The following LRRC71 variants were observed in gnomAD, a reference collection of about 807,000 sequenced individuals.
The protein encoded by LRRC71 is leucine-rich repeat-containing protein 71.
In LRRC71, 54 loss-of-function variants were observed where a neutral mutation model predicts 66.6. That is an observed-to-expected ratio of 0.81 (90% CI 0.65 to 1.02). The LOEUF is 1.02. Ranked by LOEUF, LRRC71 falls within the 50% of genes least tolerant of loss-of-function variation. LRRC71 has a pLI of 0.00. For synonymous variants in LRRC71, 323 were observed against 303.9 expected (o/e 1.06, Z -0.65); for missense variants, 724 against 718.0 (o/e 1.01, Z -0.10).
At chr1:156,927,335 C>A in intron 6 of LRRC71, 65 bp downstream of exon 6, 1 of 1,573,222 alleles carries the variant, frequency 6.4e-7, no homozygotes, top group South Asian at 1.1e-5. Flanking sequence ...CATTTTTAGT[C>A]CCCGCCCTTC....
Position 156,932,836 on chromosome 1 carries a change from C to T in LRRC71, c.1564-17C>T, listed in dbSNP as rs1654594516. ...TTCATTCCTCTTGTCAGATGTCAGC[C>T]TTCCTTTTCTTTTCAGAAAAATTGC... On this transcript the variant is annotated splice_polypyrimidine_tract_variant and intron_variant, in intron 14 of 14. Coordinates refer to ENST00000337428, the MANE Select transcript of LRRC71 (RefSeq NM_144702.3). The T allele has an allele frequency of 4.4e-6, 7 of 1,602,236 alleles. No homozygotes were observed. Among genetic ancestry groups the T allele is most frequent in the Non-Finnish European group, 6.0e-6 (7 of 1,173,730 alleles).
chr1:156,932,678 A>C (rs1349791675), intron 14 of LRRC71, 133 bp downstream of exon 14: 1 of 1,589,968 alleles, frequency 6.3e-7, no homozygotes, highest in South Asian at 1.1e-5. Flanking sequence ...TCTTTTTAAT[A>C]ATCACAACAT....
In LRRC71 at chr1:156,927,929, C is replaced by G. The variant is rs183062517; in HGVS notation, c.921C>G (p.Phe307Leu). The change falls in exon 9 of 15, where the codon TTC becomes TTG. Residue 307 changes from phenylalanine to leucine, a missense_variant. Transcript: ENST00000337428. ...GCCTCCTTCAGGTCCTGCGCGCCTT[C>G]GAGCTGACACACACCGAAGTGGTGG... Reference protein sequence around the residue: ...ALKLAEVLRAFELTHTEVVER... With the variant: ...ALKLAEVLRALELTHTEVVER... The G allele has an allele frequency of 1.5e-5, 24 of 1,611,894 alleles. No homozygotes were observed. The highest frequency in any genetic ancestry group is 2.7e-5 in the African/African-American group (2 of 74,896).
chr1:156,939,836 G>A, the LRRC71 span: 1 of 1,612,880 alleles, frequency 6.2e-7, no homozygotes, highest in South Asian at 1.1e-5. Flanking sequence ...TCGTCCTCGG[G>A]CTCCTGGGCA....
In LRRC71 at chr1:156,927,669, G is replaced by A; in HGVS notation, c.822+14G>A. 1.9e-6 allele frequency: 3 copies of A among 1,606,806 alleles called. No homozygotes were observed. Among genetic ancestry groups the A allele is most frequent in the South Asian group, 1.1e-5 (1 of 90,736 alleles). On this transcript the variant is annotated intron_variant, in intron 7 of 14. Coordinates refer to ENST00000337428, the MANE Select transcript of LRRC71 (RefSeq NM_144702.3). ...TACATCGCGGACGTGAGTGCACGGC[G>A]GGGAGGGACCTGCTGGGAGCAGGGG...
Position 156,930,102 on chromosome 1 carries a change from T to C in LRRC71, c.1240+373T>C, listed in dbSNP as rs1188676535. On this transcript the variant is annotated intron_variant, in intron 11 of 14. Transcript: ENST00000337428. Reference sequence around the variant, plus strand: ...TTTTCTTTCTTTCTTTCTCTCTCTTTTTTTTTTTTTGATGGATTCTCACTC... The same window carrying C: ...TTTTCTTTCTTTCTTTCTCTCTCTTCTTTTTTTTTTGATGGATTCTCACTC... Among the ~76,000 whole-genome samples the C allele has an allele frequency of 1.2e-4, 12 of 98,856 alleles. No individual in the cohort carries two copies. The East Asian group carries it at 1.3e-3, about 11-fold the overall frequency. The allele number at this position is 98,856 out of a possible 152,430, so 64.9% of individuals were successfully genotyped here.
At chr1:156,929,612 C>T in intron 10 of LRRC71, 24 bp from the exon 11 acceptor site, 4 of 1,567,500 alleles carry the variant, frequency 2.6e-6, no homozygotes, top group Non-Finnish European at 2.6e-6. Flanking sequence ...GGGACTTGCC[C>T]CTCTCTTCTC....
the LRRC71 span, among the ~76,000 whole-genome samples, chr1:156,940,917 C>A: frequency 6.6e-6 from 1 of 152,232 alleles, no homozygotes; most frequent in Non-Finnish European, 1.5e-5. Flanking sequence ...CAGGTTATTT[C>A]TCACGCAAGC....
At chr1:156,936,485 A>AAAAAAAAT (rs1557806597), downstream of LRRC71, among the ~76,000 whole-genome samples, 6 of 75,402 alleles carry the variant, frequency 8.0e-5, no homozygotes, top group African/African-American at 3.1e-4. Context: ...AAATAGAAAA[A>AAAAAAAAT]AAAAAAAAAA....
At chr1:156,930,449 C>CA (rs1451425638) in intron 11 of LRRC71, 80 bp from the exon 12 acceptor site, 5 of 1,310,718 alleles carry the variant, frequency 3.8e-6, no homozygotes. Flanking sequence ...CTTTGCCTCA[C>CA]AGCCTGTTTT....
intron 11 of LRRC71, 117 bp from the exon 12 acceptor site, chr1:156,930,412 G>T: frequency 1.2e-6 from 1 of 818,738 alleles, no homozygotes; most frequent in Non-Finnish European, 2.0e-6. Flanking sequence ...CATTTCTATT[G>T]CACCCAAACC....
the LRRC71 span, chr1:156,938,498 C>A: frequency 5.8e-5 from 93 of 1,613,204 alleles, no homozygotes; most frequent in Non-Finnish European, 7.7e-5. Flanking sequence ...GACAACCTTG[C>A]TGCCTGCCAC....
Position 156,932,881 on chromosome 1 carries a change from C to A in LRRC71, c.1592C>A (p.Ala531Glu). The change falls in exon 15 of 15, where the codon GCG becomes GAG. Residue 531 changes from alanine (A) to glutamate (E), a missense_variant. By Grantham distance (107) the Ala-to-Glu change is moderately radical. Coordinates refer to ENST00000337428, the MANE Select transcript of LRRC71 (RefSeq NM_144702.3). Reference protein sequence around the residue: ...AKNCFAPQCPAYAIIQELMLP... With the variant: ...AKNCFAPQCPEYAIIQELMLP... ...AATTGCTTCGCCCCACAATGTCCTG[C>A]GTACGCCATAATCCAGGAGCTGATG... 6.2e-7 allele frequency: 1 copy of A among 1,609,622 alleles called. No individual in the cohort carries two copies. The highest frequency in any genetic ancestry group is 8.5e-7 in the Non-Finnish European group (1 of 1,178,108).
At chr1:156,934,553 A>AT (rs1557800433), downstream of LRRC71, among the ~76,000 whole-genome samples, 1 of 151,864 alleles carries the variant, frequency 6.6e-6, no homozygotes, top group Non-Finnish European at 1.5e-5. Flanking sequence ...GTGTGTGTGT[A>AT]TATCTATATA....
the LRRC71 span, among the ~76,000 whole-genome samples, chr1:156,938,252 A>G: frequency 1.3e-5 from 2 of 152,134 alleles, no homozygotes; most frequent in African/African-American, 4.8e-5. Flanking sequence ...CAGCCTTTAG[A>G]ACCAGATCTC....
intron 9 of LRRC71, among the ~76,000 whole-genome samples, chr1:156,928,408 C>CTTCT (rs1491124092): frequency 6.1e-4 from 21 of 34,442 alleles, no homozygotes; most frequent in East Asian, 3.3e-3. Flanking sequence ...CTTCTTCTTC[C>CTTCT]TCTTATTCCT....
chr1:156,928,103 TA>T (rs1653524168), intron 9 of LRRC71, 99 bp downstream of exon 9: 1 of 1,128,428 alleles, frequency 8.9e-7, no homozygotes, highest in African/African-American at 1.5e-5. Flanking sequence ...CCATCCAGTT[TA>T]ATCTCCACCC....
At chr1:156,938,793 C>T in the LRRC71 span, 1 of 435,182 alleles carries the variant, frequency 2.3e-6, no homozygotes, top group Non-Finnish European at 4.1e-6. Flanking sequence ...GGAAGGGAGG[C>T]AGAGTGGAAT....
rs1381604721 is a variant in LRRC71 at position 156,929,730 on chromosome 1, G to A, written c.1240+1G>A. The A allele has an allele frequency of 1.3e-6, 2 of 1,558,384 alleles. No individual in the cohort carries two copies. Among genetic ancestry groups the A allele is most frequent in the South Asian group, 1.2e-5 (1 of 84,292 alleles). On this transcript the variant is annotated splice_donor_variant, in intron 11 of 14. Coordinates refer to ENST00000337428, the MANE Select transcript of LRRC71 (RefSeq NM_144702.3). LOFTEE classifies it high-confidence loss of function. Reference sequence around the variant, plus strand: ...GATGCCACAAAGGCAGGCAAGGGGAGTAAGTGCGGGTGCCCCTGGGTGGCA... The same window carrying A: ...GATGCCACAAAGGCAGGCAAGGGGAATAAGTGCGGGTGCCCCTGGGTGGCA...
Sources: gnomAD v4.1 joint callset for allele counts (sites outside exome capture counted in the v4.1 genomes callset) on GRCh38, gnomAD v4.1.1 for gene constraint, MANE v1.5 for transcripts, NCBI Gene and HGNC (gene_info 2026-07-23, HGNC 2026-07-21) for gene names.